RCVRN: variants seen among roughly 807,000 people sequenced by gnomAD.
The protein encoded by RCVRN is recoverin.
Under a neutral mutation model 20.4 loss-of-function variants are expected in RCVRN, and 23 were observed. The ratio of observed to expected loss-of-function variants is 1.13; its 90% CI spans 0.81 to 1.60. The LOEUF (loss-of-function observed/expected upper bound fraction) is 1.60, where lower values mean the gene tolerates loss of function less well. RCVRN is among the 40% of genes most tolerant of loss of function. The probability of loss-of-function intolerance (pLI) is 0.00; values close to 1 mark genes in which losing one functional copy is unlikely to be tolerated. For missense variants in RCVRN, 254 were observed against 254.2 expected (o/e 1.00, Z 0.00); for synonymous variants, 105 against 105.9 (o/e 0.99, Z 0.05).
Position 9,905,054 on chromosome 17 carries a change from G to A in RCVRN, c.127C>T (p.Arg43Cys), listed in dbSNP as rs888973041. ...CTCTGGAACTGCTGCTGGGTGATGC[G>A]GCCGGTGGGACAGTCCTTCAGGAAG... is the stretch of plus-strand genomic sequence containing the variant. ...QSFLKDCPTG[R>C]ITQQQFQSIY... Residue 43 changes from arginine (R) to cysteine (C), a missense_variant, in exon 1 of 3, where the codon CGC becomes TGC. Transcript: ENST00000226193. 1.2e-6 allele frequency: 2 copies of A among 1,612,776 alleles called. No individual in the cohort carries two copies. Among genetic ancestry groups the A allele is most frequent in the Admixed American group, 1.7e-5 (1 of 59,788 alleles).
At position 9,904,778 on chromosome 17, in the gene RCVRN, G is replaced by A; in HGVS notation, c.381+22C>T. 3 of 1,603,070 alleles carry A rather than the reference G, an allele frequency of 1.9e-6. No homozygotes were observed. Reference sequence around the variant, plus strand: ...GAGCGACCCCGGCACCGCCCAGCCAGAAGGGGAGAGGGGAGACTGACCATG... The same window carrying A: ...GAGCGACCCCGGCACCGCCCAGCCAAAAGGGGAGAGGGGAGACTGACCATG... On this transcript the variant is annotated intron_variant, in intron 1 of 2. Transcript: ENST00000226193. The surrounding 1 kb of genome is among the most constrained non-coding windows in gnomAD (Gnocchi z 5.8).
chr17:9,902,732 T>A (rs1040938196), intron 1 of RCVRN, among the ~76,000 whole-genome samples: 6 of 152,212 alleles, frequency 3.9e-5, no homozygotes, highest in Admixed American at 6.5e-5. Context: ...GTGCGGAAGC[T>A]CACGCCTGTA....
Position 9,901,112 on chromosome 17 carries a change from A to C in RCVRN, c.382-12T>G. 6.7e-7 allele frequency: 1 copy of C among 1,497,276 alleles called. No homozygotes were observed. 92.7% of individuals were successfully genotyped at this position (1,497,276 alleles called of 1,614,324 possible). A position where few individuals can be genotyped will look rare whatever the true frequency, so the allele number is the denominator to read the frequency against. The stretch of plus-strand genomic sequence containing the variant: ...ATTTTGAAAATAGCCTGTACCAAAC[A>C]GAAAGAAAGAACTCGTTAGGAGGAA... On this transcript the variant is annotated splice_polypyrimidine_tract_variant and intron_variant, in intron 1 of 2. Coordinates refer to ENST00000226193, the MANE Select transcript of RCVRN (RefSeq NM_002903.3).
At chr17:9,898,543 C>G (rs2152054055) in intron 2 of RCVRN, among the ~76,000 whole-genome samples, 1 of 152,276 alleles carries the variant, frequency 6.6e-6, no homozygotes, top group Admixed American at 6.5e-5. Flanking sequence ...TAATTAATAA[C>G]TATTAATTGT....
rs1192144020 is a variant in RCVRN at position 9,904,696 on chromosome 17, G to A, written c.381+104C>T. ...TCAGAGCCAGTGGCCCGCATCCCCCGCTCCACCCACAGATCCACTCCCTCT... is the reference window on the plus strand; with the variant it reads ...TCAGAGCCAGTGGCCCGCATCCCCCACTCCACCCACAGATCCACTCCCTCT... On this transcript the variant is annotated intron_variant, in intron 1 of 2. Transcript: ENST00000226193. This position sits in a 1 kb window ranked among gnomAD's most constrained non-coding sequence, Gnocchi z 5.8. 11 of 1,347,658 alleles carry A rather than the reference G, an allele frequency of 8.2e-6. No individual in the cohort carries two copies. Among genetic ancestry groups the A allele is most frequent in the Non-Finnish European group, 1.0e-5 (10 of 973,302 alleles). 83.5% of individuals were successfully genotyped at this position (1,347,658 alleles called of 1,614,324 possible). A position where few individuals can be genotyped will look rare whatever the true frequency, so the allele number is the denominator to read the frequency against.
At position 9,898,264 on chromosome 17, in the gene RCVRN, G is replaced by A. The variant is rs927343760; in HGVS notation, c.494-60C>T. The A allele has an allele frequency of 8.9e-6, 9 of 1,014,510 alleles. No homozygotes were observed. In the African/African-American group the frequency reaches 1.4e-4, roughly 16 times the overall value. The allele number at this position is 1,014,510 out of a possible 1,614,324, so 62.8% of individuals were successfully genotyped here. On this transcript the variant is annotated intron_variant, in intron 2 of 2. Coordinates refer to ENST00000226193, the MANE Select transcript of RCVRN (RefSeq NM_002903.3). The stretch of plus-strand genomic sequence containing the variant: ...ACAGTCAGGATTGATAGCCAAGTGA[G>A]CTGCGATGAGGCTGACATCTAGCCA...
chr17:9,901,461 C>G (rs976152073), intron 1 of RCVRN, among the ~76,000 whole-genome samples: 1 of 110,530 alleles, frequency 9.0e-6, no homozygotes, highest in Non-Finnish European at 2.5e-5. Context: ...TCTGCCTCCC[C>G]GGAGACACCT....
intron 2 of RCVRN, among the ~76,000 whole-genome samples, chr17:9,898,841 G>A (rs144528615): frequency 9.9e-5 from 15 of 152,210 alleles, no homozygotes; most frequent in Admixed American, 5.9e-4. Context: ...CCATCCCTGC[G>A]TCCCCCAGTC....
intron 1 of RCVRN, among the ~76,000 whole-genome samples, chr17:9,903,693 C>T (rs1416480763): frequency 6.6e-6 from 1 of 152,180 alleles, no homozygotes; most frequent in Admixed American, 6.5e-5. Flanking sequence ...CGCTCAGAGA[C>T]AGGAATACAT....
chr17:9,903,632 G>T (rs8082668), intron 1 of RCVRN, among the ~76,000 whole-genome samples: 2 of 152,212 alleles, frequency 1.3e-5, no homozygotes, highest in African/African-American at 4.8e-5. Context: ...AATAAAGGAA[G>T]GAAGAAACAA....
chr17:9,902,721 G>A (rs985123783), intron 1 of RCVRN, among the ~76,000 whole-genome samples: 1 of 152,200 alleles, frequency 6.6e-6, no homozygotes, highest in Non-Finnish European at 1.5e-5. Context: ...GAAGAGGTTG[G>A]GTGCGGAAGC....
rs115377444 is a variant in RCVRN, at chr17:9,904,407, C to T, written c.381+393G>A. 2.0e-5 allele frequency among the ~76,000 whole-genome samples: 3 copies of T among 152,248 alleles called. No individual in the cohort carries two copies. The highest frequency in any genetic ancestry group is 1.9e-4 in the East Asian group (1 of 5,186). Reference sequence around the variant, plus strand: ...TTACCGTACACAACTACAGACTTTACGGATACACTTAGGCTACACTAAATG... The same window carrying T: ...TTACCGTACACAACTACAGACTTTATGGATACACTTAGGCTACACTAAATG... On this transcript the variant is annotated intron_variant, in intron 1 of 2. Coordinates refer to ENST00000226193, the MANE Select transcript of RCVRN (RefSeq NM_002903.3). The surrounding 1 kb of genome is among the most constrained non-coding windows in gnomAD (Gnocchi z 5.8).
At position 9,896,386 on chromosome 17, in the gene RCVRN, A is replaced by G. The variant is rs545656779; in HGVS notation, c.*1709T>C. The G allele has an allele frequency of 6.6e-6, 1 of 152,294 alleles. No homozygotes were observed. Among genetic ancestry groups the G allele is most frequent in the East Asian group, 1.9e-4 (1 of 5,182 alleles). 9.4% of individuals were successfully genotyped at this position (152,294 alleles called of 1,614,324 possible). ...AGAGGAGTGCTCTTTGGCAGTGGTG[A>G]TTGTGTCATCTCTGTGGCTAAAGTG... On this transcript the variant is annotated 3_prime_UTR_variant, in exon 3 of 3. Coordinates refer to ENST00000226193, the MANE Select transcript of RCVRN (RefSeq NM_002903.3).
At position 9,904,035 on chromosome 17, in the gene RCVRN, G is replaced by T. The variant is rs1488812407; in HGVS notation, c.381+765C>A. Among the ~76,000 whole-genome samples the T allele has an allele frequency of 2.6e-5, 4 of 152,218 alleles. No homozygotes were observed. Among genetic ancestry groups the T allele is most frequent in the Admixed American group, 2.6e-4 (4 of 15,280 alleles). On this transcript the variant is annotated intron_variant, in intron 1 of 2. Transcript: ENST00000226193. The surrounding 1 kb of genome is among the most constrained non-coding windows in gnomAD (Gnocchi z 5.8). ...GCTGGCGGATCGCTGGAGGTCGGGA[G>T]TTTGAGACCAGCCTGACCAACATGG... is the stretch of plus-strand genomic sequence containing the variant.
intron 1 of RCVRN, among the ~76,000 whole-genome samples, chr17:9,903,949 T>C (rs922957777): frequency 2.0e-5 from 3 of 152,026 alleles, no homozygotes; most frequent in Non-Finnish European, 2.9e-5. Flanking sequence ...AGTATAAAGA[T>C]AAAAAATGGG....
intron 1 of RCVRN, among the ~76,000 whole-genome samples, chr17:9,903,836 T>C (rs769834282): frequency 2.6e-5 from 4 of 152,196 alleles, no homozygotes; most frequent in Non-Finnish European, 4.4e-5. Flanking sequence ...TACAAACCTG[T>C]GCAGCACGTG....
intron 1 of RCVRN, among the ~76,000 whole-genome samples, chr17:9,901,647 A>G (rs2067342255): frequency 6.6e-6 from 1 of 152,188 alleles, no homozygotes; most frequent in African/African-American, 2.4e-5. Flanking sequence ...GCTGGACGCC[A>G]GTGTAGGTGG....
At position 9,898,040 on chromosome 17, in the gene RCVRN, G is replaced by A. The variant is rs541625649; in HGVS notation, c.*55C>T. The A allele has an allele frequency of 1.7e-4, 189 of 1,115,432 alleles. No individual in the cohort carries two copies. In the African/African-American group the frequency reaches 2.1e-3, roughly 13 times the overall value. 69.1% of individuals were successfully genotyped at this position (1,115,432 alleles called of 1,614,324 possible). ...TGCATGTGTGTGTGTGTGCACAGGC[G>A]CTCACGGGTGTCATGTGAGTGGTAG... On this transcript the variant is annotated 3_prime_UTR_variant, in exon 3 of 3. Transcript: ENST00000226193.
intron 1 of RCVRN, 80 bp from the exon 2 acceptor site, chr17:9,901,180 G>C: frequency 1.5e-6 from 1 of 651,648 alleles, no homozygotes; most frequent in South Asian, 2.5e-5. Context: ...ATCTTACACT[G>C]TACACAAAAA....
Sources: allele counts gnomAD v4.1 joint callset (sites outside exome capture counted in the v4.1 genomes callset), GRCh38; gene constraint gnomAD v4.1.1; non-coding constraint Gnocchi (gnomAD v3.1); transcripts MANE v1.5; gene names NCBI Gene and HGNC (gene_info 2026-07-23, HGNC 2026-07-21).